The following UBASH3B variants were observed in gnomAD, a reference collection of about 807,000 sequenced individuals.
The protein encoded by UBASH3B is ubiquitin-associated and SH3 domain-containing protein B.
A neutral mutation model predicts 83.4 loss-of-function variants in UBASH3B; 37 were observed. That is an observed-to-expected ratio of 0.44 (90% CI 0.34 to 0.58). The LOEUF (loss-of-function observed/expected upper bound fraction) is 0.58. Ranked by LOEUF, UBASH3B falls within the 20% of genes least tolerant of loss-of-function variation. The pLI, the probability that UBASH3B is intolerant of heterozygous loss-of-function variation, is 0.01. For synonymous variants in UBASH3B, 304 were observed against 318.3 expected, an observed-to-expected ratio of 0.96 and a Z score of 0.48; for missense variants, 657 against 827.2, an observed-to-expected ratio of 0.79 and a Z score of 2.52.
chr11:122,667,037 CTTT>C (rs148029449), intron 1 of UBASH3B, among the ~76,000 whole-genome samples: 4,339 of 101,464 alleles, frequency 0.043, 99 homozygotes, highest in East Asian at 0.13. Context: ...TAATGGCATT[CTTT>C]TTTTTTTTTT....
chr11:122,667,635 A>G (rs2135896674), intron 1 of UBASH3B, among the ~76,000 whole-genome samples: 1 of 152,282 alleles, frequency 6.6e-6, no homozygotes, highest in East Asian at 1.9e-4. Context: ...ATAAGACAGG[A>G]GCAATACTCT....
At chr11:122,728,069 C>T (rs965614809) in intron 1 of UBASH3B, among the ~76,000 whole-genome samples, 4 of 152,060 alleles carry the variant, frequency 2.6e-5, no homozygotes, top group African/African-American at 9.7e-5. Flanking sequence ...AACTACGGGG[C>T]TCAAGCAGTC....
At chr11:122,731,566 A>C (rs989103400) in intron 1 of UBASH3B, among the ~76,000 whole-genome samples, 1 of 152,204 alleles carries the variant, frequency 6.6e-6, no homozygotes, top group African/African-American at 2.4e-5. Flanking sequence ...CGGAGAGTGC[A>C]AACAGTGTGG....
At chr11:122,735,070 A>G (rs1376478424) in intron 1 of UBASH3B, among the ~76,000 whole-genome samples, 1 of 152,166 alleles carries the variant, frequency 6.6e-6, no homozygotes, top group East Asian at 1.9e-4. Flanking sequence ...TGTACACATG[A>G]GGGTCAGAGT....
At chr11:122,725,943 C>G (rs535043426) in intron 1 of UBASH3B, among the ~76,000 whole-genome samples, 88 of 152,316 alleles carry the variant, frequency 5.8e-4, no homozygotes, top group African/African-American at 2.0e-3. Flanking sequence ...CCACCCACCT[C>G]AGCCTCCCAA....
intron 1 of UBASH3B, among the ~76,000 whole-genome samples, chr11:122,772,287 C>A (rs550776853): frequency 1.6e-4 from 25 of 152,268 alleles, no homozygotes; most frequent in South Asian, 1.4e-3. Context: ...TAAGAAGCTG[C>A]TTTTGTATCT....
chr11:122,809,086 T>C (rs947101879), intron 13 of UBASH3B, among the ~76,000 whole-genome samples: 1 of 152,032 alleles, frequency 6.6e-6, no homozygotes, highest in African/African-American at 2.4e-5. Flanking sequence ...TTTTTTCTTT[T>C]TTTTTTGAGA....
At chr11:122,778,554 ATT>A (rs56698309) in intron 3 of UBASH3B, among the ~76,000 whole-genome samples, 7 of 127,192 alleles carry the variant, frequency 5.5e-5, no homozygotes, top group African/African-American at 8.8e-5. Context: ...ACATTCCTTC[ATT>A]TTTTTTTTTT....
chr11:122,775,528 A>G (rs1166307621), intron 1 of UBASH3B: 1 of 152,212 alleles, frequency 6.6e-6, no homozygotes, highest in Non-Finnish European at 1.5e-5. Flanking sequence ...GATCCAAACC[A>G]TTTGTCCTTG....
chr11:122,800,528 T>C (rs1204969270), intron 10 of UBASH3B, among the ~76,000 whole-genome samples: 2 of 151,716 alleles, frequency 1.3e-5, no homozygotes, highest in Middle Eastern at 3.5e-3. Context: ...CACTTCAGCC[T>C]AGGTGACAGA....
intron 1 of UBASH3B, among the ~76,000 whole-genome samples, chr11:122,674,130 TAAAAA>T: frequency 6.6e-6 from 1 of 152,016 alleles, no homozygotes; most frequent in South Asian, 2.1e-4. Context: ...TATATCAAAA[TAAAAA>T]AAGAAAACCA....
At position 122,809,177 on chromosome 11, in the gene UBASH3B, C is replaced by T. The variant is rs3107637; in HGVS notation, c.1813-572C>T. On this transcript the variant is annotated intron_variant, in intron 13 of 13. Transcript: ENST00000284273. Reference sequence around the variant, plus strand: ...TTAACCTCTGCCTCCTGGATTCAAGCGATTCTCCTGATTCAGCCTCCCACG... The same window carrying T: ...TTAACCTCTGCCTCCTGGATTCAAGTGATTCTCCTGATTCAGCCTCCCACG... Among the ~76,000 whole-genome samples, 25 of 151,912 alleles carry T rather than the reference C, an allele frequency of 1.6e-4. 1 individual carries two copies. The South Asian group carries it at 4.8e-3, about 29-fold the overall frequency.
intron 7 of UBASH3B, among the ~76,000 whole-genome samples, chr11:122,795,812 T>C (rs761430386): frequency 6.6e-6 from 1 of 152,228 alleles, no homozygotes; most frequent in African/African-American, 2.4e-5. Context: ...CCCCACTAGA[T>C]GGCTCTCTCT....
intron 1 of UBASH3B, among the ~76,000 whole-genome samples, chr11:122,725,342 A>AAAAAAAAGAGAGAG (rs71281633): frequency 6.1e-5 from 8 of 130,822 alleles, no homozygotes; most frequent in South Asian, 2.4e-4. Flanking sequence ...AAAAAAAAAA[A>AAAAAAAAGAGAGAG]AAGAAAAGAA....
chr11:122,707,555 G>T (rs1168837143), intron 1 of UBASH3B, among the ~76,000 whole-genome samples: 1 of 151,728 alleles, frequency 6.6e-6, no homozygotes, highest in African/African-American at 2.4e-5. Context: ...TTTATTTTTT[G>T]TCATTACTAA....
intron 1 of UBASH3B, among the ~76,000 whole-genome samples, chr11:122,710,600 G>C (rs778147410): frequency 1.3e-5 from 2 of 152,246 alleles, no homozygotes; most frequent in South Asian, 4.1e-4. Context: ...CTCCAGAAGC[G>C]TGTGATCTTG....
At chr11:122,739,093 G>A (rs1274395134) in intron 1 of UBASH3B, among the ~76,000 whole-genome samples, 7 of 151,978 alleles carry the variant, frequency 4.6e-5, no homozygotes, top group African/African-American at 9.7e-5. Context: ...CAAATTACAG[G>A]GCTCAGGGAT....
chr11:122,760,173 T>C (rs1254525852), intron 1 of UBASH3B, among the ~76,000 whole-genome samples: 1 of 152,166 alleles, frequency 6.6e-6, no homozygotes, highest in Non-Finnish European at 1.5e-5. Context: ...AGACAGATCT[T>C]TTAAATATAA....
chr11:122,720,055 C>T (rs1384318741), intron 1 of UBASH3B, among the ~76,000 whole-genome samples: 3 of 152,140 alleles, frequency 2.0e-5, no homozygotes, highest in Admixed American at 1.3e-4. Context: ...TTTGTCTAAA[C>T]TCACCCCCAT....
Sources: gnomAD v4.1 joint callset for allele counts (sites outside exome capture counted in the v4.1 genomes callset) on GRCh38, gnomAD v4.1.1 for gene constraint, MANE v1.5 for transcripts, NCBI Gene and HGNC (gene_info 2026-07-23, HGNC 2026-07-21) for gene names.